Variants in MARCHF8 observed in about 807,000 individuals in gnomAD.
MARCHF8 encodes the protein membrane associated ring-CH-type finger 8, also known as E3 ubiquitin-protein ligase MARCHF8.
In MARCHF8, 40 loss-of-function variants were observed where a neutral mutation model predicts 51.6. The observed-to-expected ratio is 0.77, with a 90% CI of 0.60 to 1.01. The LOEUF is 1.01. Ranked by LOEUF, MARCHF8 falls within the 50% of genes least tolerant of loss-of-function variation. The probability of loss-of-function intolerance (pLI) is 0.00; values close to 1 mark genes in which losing one functional copy is unlikely to be tolerated. For synonymous variants in MARCHF8, 263 were observed against 280.3 expected (o/e 0.94, Z 0.62); for missense variants, 685 against 708.6 (o/e 0.97, Z 0.38).
intron 2 of MARCHF8, among the ~76,000 whole-genome samples, chr10:45,495,814 GA>G (rs1320183493): frequency 6.7e-6 from 1 of 148,690 alleles, no homozygotes; most frequent in African/African-American, 2.5e-5. Flanking sequence ...GGGGAGGGGA[GA>G]AAGGAAAGGA....
chr10:45,483,959 T>A lies in MARCHF8; in HGVS notation c.153+5408A>T. Among the ~76,000 whole-genome samples the A allele has an allele frequency of 1.3e-5, 2 of 152,082 alleles. 1 individual carries two copies. The highest frequency in any genetic ancestry group is 3.8e-4 in the East Asian group (2 of 5,200). ...TGGTTAATGGGTACAAAAATACAGT[T>A]AGATAGTCACAATAAGTTCTAATGT... On this transcript the variant is annotated intron_variant, in intron 3 of 7. Transcript: ENST00000453424.
intron 2 of MARCHF8, among the ~76,000 whole-genome samples, chr10:45,502,670 C>CTG (rs1416229904): frequency 2.6e-5 from 4 of 152,274 alleles, no homozygotes; most frequent in African/African-American, 9.6e-5. Flanking sequence ...CAAAAGAGAC[C>CTG]TGTTTACCTA....
At chr10:45,534,627 G>A (rs780571042) in intron 1 of MARCHF8, among the ~76,000 whole-genome samples, 2 of 152,128 alleles carry the variant, frequency 1.3e-5, no homozygotes, top group African/African-American at 4.8e-5. Flanking sequence ...AACAGAAAAT[G>A]GAAGCCTTCA....
At chr10:45,468,101 A>G (rs1843030906) in intron 3 of MARCHF8, among the ~76,000 whole-genome samples, 1 of 152,244 alleles carries the variant, frequency 6.6e-6, no homozygotes, top group Non-Finnish European at 1.5e-5. Flanking sequence ...GAAATGATAA[A>G]TACTTTTTGA....
intron 1 of MARCHF8, among the ~76,000 whole-genome samples, chr10:45,571,561 G>C (rs1448135912): frequency 7.1e-6 from 1 of 141,638 alleles, no homozygotes; most frequent in Non-Finnish European, 1.6e-5. Flanking sequence ...CTTCACAGAC[G>C]TGAGTGAAAT....
At chr10:45,530,308 A>G (rs2043856528) in intron 2 of MARCHF8, among the ~76,000 whole-genome samples, 1 of 152,204 alleles carries the variant, frequency 6.6e-6, no homozygotes, top group Non-Finnish European at 1.5e-5. Flanking sequence ...GTGAGGGATG[A>G]GAAATTACCT....
At chr10:45,515,702 C>T (rs181029756) in intron 2 of MARCHF8, among the ~76,000 whole-genome samples, 18 of 152,326 alleles carry the variant, frequency 1.2e-4, no homozygotes, top group Admixed American at 2.0e-4. Flanking sequence ...CAAGTCCCCT[C>T]ATTGCCTTCC....
chr10:45,536,432 T>A (rs2043971036), upstream of MARCHF8, among the ~76,000 whole-genome samples: 1 of 151,624 alleles, frequency 6.6e-6, no homozygotes, highest in South Asian at 2.1e-4. Flanking sequence ...CTTTTGTGCT[T>A]CAAAAGACAC....
intron 1 of MARCHF8, among the ~76,000 whole-genome samples, chr10:45,544,900 C>T (rs771018359): frequency 6.6e-6 from 1 of 152,162 alleles, no homozygotes. Flanking sequence ...ATCTATCCCA[C>T]CTCATTTTGT....
intron 1 of MARCHF8, among the ~76,000 whole-genome samples, chr10:45,585,687 T>C (rs772098528): frequency 6.6e-6 from 1 of 152,172 alleles, no homozygotes; most frequent in African/African-American, 2.4e-5. Context: ...TCCTAACTGG[T>C]GATTACAGAA....
chr10:45,565,925 A>G (rs549529302), intron 1 of MARCHF8, among the ~76,000 whole-genome samples: 1 of 152,262 alleles, frequency 6.6e-6, no homozygotes, highest in Non-Finnish European at 1.5e-5. Flanking sequence ...CTTATATTAA[A>G]CCCATGGCCA....
chr10:45,481,408 C>T (rs143911096), intron 3 of MARCHF8, among the ~76,000 whole-genome samples: 2,444 of 152,076 alleles, frequency 0.016, 33 homozygotes, highest in Non-Finnish European at 0.027. Context: ...GGGCCGAGGG[C>T]GGAATGATAT....
chr10:45,549,009 A>G (rs1261371863), intron 1 of MARCHF8, among the ~76,000 whole-genome samples: 2 of 151,632 alleles, frequency 1.3e-5, no homozygotes, highest in Non-Finnish European at 2.9e-5. Flanking sequence ...AAAAAAAAAA[A>G]AGAAAGAAAA....
chr10:45,560,347 C>T (rs894092234), intron 1 of MARCHF8, among the ~76,000 whole-genome samples: 3 of 152,050 alleles, frequency 2.0e-5, no homozygotes, highest in African/African-American at 4.8e-5. Context: ...TTATCTGGTG[C>T]CTGAAAGCTT....
intron 1 of MARCHF8, among the ~76,000 whole-genome samples, chr10:45,568,026 T>G (rs544402970): frequency 6.6e-6 from 1 of 152,054 alleles, no homozygotes; most frequent in African/African-American, 2.4e-5. Flanking sequence ...AGGTGCTTTA[T>G]TTTATGTGTG....
At chr10:45,569,715 G>A (rs1029426167) in intron 1 of MARCHF8, among the ~76,000 whole-genome samples, 6 of 152,066 alleles carry the variant, frequency 3.9e-5, no homozygotes, top group Admixed American at 2.0e-4. Context: ...GAATGACCAC[G>A]GGAACACTTC....
chr10:45,590,587 A>G (rs72798224), intron 1 of MARCHF8, among the ~76,000 whole-genome samples: 2,167 of 152,344 alleles, frequency 0.014, 18 homozygotes, highest in Non-Finnish European at 0.023. Flanking sequence ...TTGAAGAAAA[A>G]CATGGATGAA....
intron 3 of MARCHF8, among the ~76,000 whole-genome samples, chr10:45,469,437 G>A (rs1270497362): frequency 6.6e-6 from 1 of 152,168 alleles, no homozygotes; most frequent in East Asian, 1.9e-4. Context: ...TCAATGTAGT[G>A]GGTGATGACC....
intron 2 of MARCHF8, among the ~76,000 whole-genome samples, chr10:45,511,519 T>A (rs35993099): frequency 0.061 from 9,359 of 152,282 alleles, 324 homozygotes; most frequent in Non-Finnish European, 0.066. Flanking sequence ...CTGATTCTCC[T>A]GCCTCAGCCT....
Sources: gnomAD v4.1 joint callset for allele counts (sites outside exome capture counted in the v4.1 genomes callset) on GRCh38, gnomAD v4.1.1 for gene constraint, MANE v1.5 for transcripts, NCBI Gene and HGNC (gene_info 2026-07-23, HGNC 2026-07-21) for gene names.